The following NCAM2 variants were observed in gnomAD, a reference collection of about 807,000 sequenced individuals.
NCAM2 encodes the protein neural cell adhesion molecule 2, also known as N-CAM-2.
Under a neutral mutation model 98.1 loss-of-function variants are expected in NCAM2, and 30 were observed. The observed-to-expected ratio is 0.31, with a 90% CI of 0.23 to 0.41. NCAM2 has a LOEUF of 0.41. NCAM2 is among the 10% of genes least tolerant of loss of function. NCAM2 has a pLI of 1.00. For missense variants in NCAM2, 867 were observed against 1,005.8 expected, an observed-to-expected ratio of 0.86 and a Z score of 1.87; for synonymous variants, 368 against 342.4, an observed-to-expected ratio of 1.07 and a Z score of -0.83.
At chr21:21,492,120 T>C (rs925982077) in intron 15 of NCAM2, among the ~76,000 whole-genome samples, 43 of 151,892 alleles carry the variant, frequency 2.8e-4, no homozygotes, top group African/African-American at 9.6e-4. Flanking sequence ...GAAGCTATTA[T>C]AACCAAACTC....
At chr21:21,291,997 C>A in intron 4 of NCAM2, 107 bp from the exon 5 acceptor site, 1 of 998,330 alleles carries the variant, frequency 1.0e-6, no homozygotes, top group Non-Finnish European at 1.4e-6. Flanking sequence ...TGATGAAAAG[C>A]TTGATAGTGT....
chr21:21,511,851 C>A (rs768696711), intron 16 of NCAM2, among the ~76,000 whole-genome samples: 1 of 151,868 alleles, frequency 6.6e-6, no homozygotes, highest in Non-Finnish European at 1.5e-5. Flanking sequence ...GATGATGATG[C>A]TGAGCATTTT....
At chr21:21,372,251 A>T (rs1217890702) in intron 8 of NCAM2, among the ~76,000 whole-genome samples, 1 of 151,850 alleles carries the variant, frequency 6.6e-6, no homozygotes, top group East Asian at 1.9e-4. Flanking sequence ...AACTCTAAAA[A>T]TAACCATATT....
chr21:21,152,858 A>G (rs1008053036), intron 1 of NCAM2, among the ~76,000 whole-genome samples: 13 of 151,920 alleles, frequency 8.6e-5, no homozygotes, highest in African/African-American at 3.1e-4. Flanking sequence ...AGCTCCTTCT[A>G]TGTAGCCTCC....
chr21:21,065,830 A>G (rs2065425307), intron 1 of NCAM2, among the ~76,000 whole-genome samples: 1 of 152,202 alleles, frequency 6.6e-6, no homozygotes, highest in Admixed American at 6.5e-5. Flanking sequence ...ATGTCAATAA[A>G]TTTGAGCAAA....
chr21:21,050,047 G>A (rs1187583759), intron 1 of NCAM2, among the ~76,000 whole-genome samples: 1 of 151,814 alleles, frequency 6.6e-6, no homozygotes, highest in Non-Finnish European at 1.5e-5. Flanking sequence ...ATCAGATCAG[G>A]TGACTGATCA....
intron 1 of NCAM2, among the ~76,000 whole-genome samples, chr21:21,136,898 T>C (rs2067067140): frequency 5.6e-5 from 1 of 17,806 alleles, no homozygotes; most frequent in African/African-American, 1.0e-4. Context: ...TAGTAAATAA[T>C]TGATTTTTTT....
intron 12 of NCAM2, among the ~76,000 whole-genome samples, chr21:21,443,027 C>T (rs1359005220): frequency 6.6e-6 from 1 of 151,988 alleles, no homozygotes; most frequent in Non-Finnish European, 1.5e-5. Flanking sequence ...ATAAATTTTC[C>T]TCTACACGCA....
At chr21:21,158,970 G>A (rs2067697144) in intron 1 of NCAM2, among the ~76,000 whole-genome samples, 1 of 152,136 alleles carries the variant, frequency 6.6e-6, no homozygotes, top group South Asian at 2.1e-4. Flanking sequence ...TCATAGGAGA[G>A]GATAGCTCCA....
In NCAM2 at chr21:21,477,287, A is replaced by G. The variant is rs754831611; in HGVS notation, c.1897-4A>G. ...TACAAACTGCATTTTTATTGCTTTC[A>G]CAGAAAGATAAGGAAGACCAATGGC... is the stretch of plus-strand genomic sequence containing the variant. On this transcript the variant is annotated splice_polypyrimidine_tract_variant and splice_region_variant and intron_variant, in intron 14 of 17. Coordinates refer to ENST00000400546, the MANE Select transcript of NCAM2 (RefSeq NM_004540.5). 1 of 1,568,092 alleles carries G rather than the reference A, an allele frequency of 6.4e-7. No homozygotes were observed. Among genetic ancestry groups the G allele is most frequent in the Non-Finnish European group, 8.6e-7 (1 of 1,156,670 alleles).
At chr21:21,413,291 G>A (rs547720565) in intron 10 of NCAM2, among the ~76,000 whole-genome samples, 2 of 152,112 alleles carry the variant, frequency 1.3e-5, no homozygotes, top group Admixed American at 1.3e-4. Context: ...CCTAAATAGG[G>A]GTGCTTACTG....
intron 1 of NCAM2, among the ~76,000 whole-genome samples, chr21:21,110,063 G>T (rs780122115): frequency 1.3e-5 from 2 of 152,318 alleles, no homozygotes; most frequent in East Asian, 3.9e-4. Flanking sequence ...CCATGAAGGG[G>T]CCAGTTGGGA....
At chr21:21,408,980 T>A (rs879721210) in intron 9 of NCAM2, among the ~76,000 whole-genome samples, 17,015 of 150,214 alleles carry the variant, frequency 0.11, 1,246 homozygotes, top group Middle Eastern at 0.21. Flanking sequence ...CTTTTTTAAG[T>A]AGTTTGCAGT....
chr21:21,440,591 G>A (rs1979095193), intron 12 of NCAM2, among the ~76,000 whole-genome samples: 1 of 151,986 alleles, frequency 6.6e-6, no homozygotes, highest in Admixed American at 6.6e-5. Flanking sequence ...TGAGATGGGA[G>A]GATCACTTGA....
intron 11 of NCAM2, among the ~76,000 whole-genome samples, chr21:21,421,045 G>T (rs1230869956): frequency 6.6e-6 from 1 of 151,462 alleles, no homozygotes; most frequent in Non-Finnish European, 1.5e-5. Flanking sequence ...TATATATAAT[G>T]TTATTAATAT....
chr21:21,207,149 C>A lies in NCAM2; in HGVS notation c.56-73429C>A, dbSNP rs1419682954. ...CAAGACACCTTATCAGTTATGTAGT[C>A]ATAATTGTTTGCATGCATACAGCAT... On this transcript the variant is annotated intron_variant, in intron 1 of 17. Transcript: ENST00000400546. Among the ~76,000 whole-genome samples, 10 of 152,082 alleles carry A rather than the reference C, an allele frequency of 6.6e-5. No homozygotes were observed. In the South Asian group the frequency reaches 1.2e-3, roughly 19 times the overall value.
At chr21:21,369,998 T>A (rs2075878642) in intron 8 of NCAM2, among the ~76,000 whole-genome samples, 1 of 151,734 alleles carries the variant, frequency 6.6e-6, no homozygotes, top group Admixed American at 6.6e-5. Flanking sequence ...CGACCCCAAG[T>A]TTGAGCTAAT....
intron 1 of NCAM2, among the ~76,000 whole-genome samples, chr21:21,221,353 ATT>A (rs2147134061): frequency 3.7e-3 from 1 of 268 alleles, no homozygotes; most frequent in Admixed American, 0.062. Flanking sequence ...TACAGAAGTG[ATT>A]CTCACCCAAA....
chr21:21,168,661 C>G (rs2068027127), intron 1 of NCAM2, among the ~76,000 whole-genome samples: 1 of 148,400 alleles, frequency 6.7e-6, no homozygotes, highest in Admixed American at 6.8e-5. Context: ...TAGCAATAAC[C>G]AAATAAAATT....
Sources: allele counts gnomAD v4.1 joint callset (sites outside exome capture counted in the v4.1 genomes callset), GRCh38; gene constraint gnomAD v4.1.1; transcripts MANE v1.5; gene names NCBI Gene and HGNC (gene_info 2026-07-23, HGNC 2026-07-21).